NEB: variants seen among roughly 807,000 people sequenced by gnomAD.
NEB encodes the protein nebulin.
A neutral mutation model predicts 952.2 loss-of-function variants in NEB; 512 were observed. The ratio of observed to expected loss-of-function variants is 0.54; its 90% CI spans 0.50 to 0.58. The LOEUF is 0.58. Ranked by LOEUF, NEB falls within the 20% of genes least tolerant of loss-of-function variation. NEB has a pLI of 0.00. For synonymous variants in NEB, 2,900 were observed against 3,149.8 expected (o/e 0.92, Z 2.66); for missense variants, 8,428 against 9,231.1 (o/e 0.91, Z 3.56).
Position 151,621,001 on chromosome 2 carries a change from T to G in NEB, c.10478A>C (p.Glu3493Ala). ...CAAGTCATAGCCTTCTTTCTTGGCTTCTTCCATGGCCTGACGATAGAGGCT... is the reference window on the plus strand; with the variant it reads ...CAAGTCATAGCCTTCTTTCTTGGCTGCTTCCATGGCCTGACGATAGAGGCT... ...SESLYRQAME[E>A]AKKEGYDLRS... The change falls in exon 72 of 182, where the codon GAA becomes GCA. Residue 3493 changes from glutamate to alanine, a missense_variant. Physicochemically the swap from Glu to Ala is moderately radical, Grantham distance 107. Around this residue, in one of 11 missense-constraint regions of NEB, gnomAD observed 1,772 missense variants for 1,960.3 expected, o/e 0.90. Transcript: ENST00000397345. 1 of 1,611,802 alleles carries G rather than the reference T, an allele frequency of 6.2e-7. No individual in the cohort carries two copies. Among genetic ancestry groups the G allele is most frequent in the Non-Finnish European group, 8.5e-7 (1 of 1,178,926 alleles).
chr2:151,714,998 G>A (rs1331797679), intron 10 of NEB, among the ~76,000 whole-genome samples: 1 of 152,196 alleles, frequency 6.6e-6, no homozygotes, highest in African/African-American at 2.4e-5. Flanking sequence ...TAAGAACTCA[G>A]AAATCTGGGT....
intron 3 of NEB, among the ~76,000 whole-genome samples, chr2:151,731,165 A>G (rs558682746): frequency 6.6e-6 from 1 of 152,306 alleles, no homozygotes; most frequent in African/African-American, 2.4e-5. Context: ...GCTCCTTGGA[A>G]ACCATTCAAT....
chr2:151,612,431 G>C (rs1238261307), intron 77 of NEB, 42 bp from the exon 78 acceptor site: 17 of 1,552,146 alleles, frequency 1.1e-5, no homozygotes, highest in African/African-American at 1.4e-5. Context: ...ATGTCACCTA[G>C]ACGGCCTGGT....
At chr2:151,526,407 C>A in intron 148 of NEB, 145 bp from the exon 149 acceptor site, 1 of 664,888 alleles carries the variant, frequency 1.5e-6, no homozygotes. Context: ...GGGAAATATT[C>A]AAAAGGGTTT....
intron 17 of NEB, among the ~76,000 whole-genome samples, chr2:151,695,933 C>T (rs2099592969): frequency 6.6e-6 from 1 of 152,164 alleles, no homozygotes; most frequent in Non-Finnish European, 1.5e-5. Flanking sequence ...CTGCGTAGCA[C>T]AATTGTCCCT....
At chr2:151,702,463 G>A (rs550995865) in intron 13 of NEB, among the ~76,000 whole-genome samples, 5 of 152,190 alleles carry the variant, frequency 3.3e-5, no homozygotes, top group Admixed American at 6.5e-5. Flanking sequence ...GTTGACAGTG[G>A]GGTGTTAAAG....
chr2:151,645,442 A>G (rs1408454938), intron 55 of NEB, among the ~76,000 whole-genome samples: 1 of 152,220 alleles, frequency 6.6e-6, no homozygotes, highest in Non-Finnish European at 1.5e-5. Flanking sequence ...TAAATAATGA[A>G]TTTTAAAAGC....
rs570365650 is a variant in NEB at position 151,605,778 on chromosome 2, C to T, written c.12747+828G>A. Among the ~76,000 whole-genome samples, 125 of 97,268 alleles carry T rather than the reference C, an allele frequency of 1.3e-3. 41 individuals are homozygous for T. Among genetic ancestry groups the T allele is most frequent in the Non-Finnish European group, 3.1e-4 (12 of 38,516 alleles). The allele number at this position is 97,268 out of a possible 152,430, so 63.8% of individuals were successfully genotyped here. A position where few individuals can be genotyped will look rare whatever the true frequency, so the allele number is the denominator to read the frequency against. On this transcript the variant is annotated intron_variant, in intron 84 of 181. Coordinates refer to ENST00000397345, the MANE Select transcript of NEB (RefSeq NM_001164508.2). The stretch of plus-strand genomic sequence containing the variant: ...GAGTTGGAGCTGGGGGCAGGGTGCA[C>T]CTGGTAGCATAATTATTCTATTTTT...
intron 20 of NEB, among the ~76,000 whole-genome samples, chr2:151,693,097 G>A (rs1035928930): frequency 2.0e-5 from 3 of 152,154 alleles, no homozygotes; most frequent in East Asian, 1.9e-4. Context: ...TGGTGAAAAC[G>A]CATTTTGTAA....
At chr2:151,647,691 T>C (rs2098978435) in intron 54 of NEB, among the ~76,000 whole-genome samples, 1 of 152,166 alleles carries the variant, frequency 6.6e-6, no homozygotes, top group Non-Finnish European at 1.5e-5. Flanking sequence ...GGAGGGAGAT[T>C]CTACAAAATA....
In NEB at chr2:151,620,930, T is replaced by C; in HGVS notation, c.10549A>G (p.Ile3517Val). The change falls in exon 72 of 182, where the codon ATT (isoleucine) becomes GTT (valine). Residue 3517 changes from isoleucine (I) to valine (V), a missense_variant. By Grantham distance (29) the Ile-to-Val change is conservative (BLOSUM62 3). Transcript: ENST00000397345. ...TGATCAGCTCTTACATCACTGGCAA[T>C]ATCCCGAGAGGCCTTGGCAGCCACA... ...PIVAAKASRD[I>V]ASDYKYKEAY... 6.2e-7 allele frequency: 1 copy of C among 1,610,920 alleles called. No individual in the cohort carries two copies.
chr2:151,508,885 C>CTGAT (rs1166666945), intron 161 of NEB, among the ~76,000 whole-genome samples: 1 of 152,248 alleles, frequency 6.6e-6, no homozygotes, highest in East Asian at 1.9e-4. Flanking sequence ...CACCACCAAA[C>CTGAT]TGATGATTGT....
At chr2:151,615,476 C>T (rs564045842) in intron 76 of NEB, among the ~76,000 whole-genome samples, 6 of 152,292 alleles carry the variant, frequency 3.9e-5, no homozygotes, top group Admixed American at 2.6e-4. Flanking sequence ...TACTTTGCCA[C>T]TTGTTCTTGT....
At chr2:151,712,903 A>AGGGGGAAACC (rs2150146219) in intron 10 of NEB, among the ~76,000 whole-genome samples, 1 of 152,070 alleles carries the variant, frequency 6.6e-6, no homozygotes, top group South Asian at 2.1e-4. Context: ...GAGAAAGGTT[A>AGGGGGAAACC]GGGGGAAACC....
In NEB at chr2:151,692,403, A is replaced by G. The variant is rs2099561052; in HGVS notation, c.1897-41T>C. 5.6e-6 allele frequency: 8 copies of G among 1,416,084 alleles called. No homozygotes were observed. The South Asian group carries it at 7.1e-5, about 13-fold the overall frequency. The allele number at this position is 1,416,084 out of a possible 1,614,324, so 87.7% of individuals were successfully genotyped here. A position where few individuals can be genotyped will look rare whatever the true frequency, so the allele number is the denominator to read the frequency against. On this transcript the variant is annotated intron_variant, in intron 20 of 181. Coordinates refer to ENST00000397345, the MANE Select transcript of NEB (RefSeq NM_001164508.2). ...TAAATTAAACCAAAAAGAAAGAAAT[A>G]TATATCTCATAAAGTAAAAGTCATT...
chr2:151,537,468 A>G (rs2093374758), intron 140 of NEB, among the ~76,000 whole-genome samples: 1 of 152,234 alleles, frequency 6.6e-6, no homozygotes, highest in Non-Finnish European at 1.5e-5. Flanking sequence ...TTCAAATTTA[A>G]CAGGCATACT....
At chr2:151,545,799 G>C (rs1279913182) in intron 135 of NEB, 89 bp downstream of exon 135, 6 of 749,672 alleles carry the variant, frequency 8.0e-6, no homozygotes, top group Non-Finnish European at 1.3e-5. Context: ...CCTGAACAGC[G>C]ATCACTAGAG....
In NEB at chr2:151,655,325, A is replaced by G; in HGVS notation, c.6752T>C (p.Met2251Thr). ...WNKDKTKIHV[M>T]PDTPDILQAK... ...TTGTAAAATATCTGGTGTATCAGGC[A>G]TCACATGAATCTTGGTCTTATCTTT... Residue 2251 changes from methionine to threonine, a missense_variant, in exon 51 of 182, where the codon ATG becomes ACG. Coordinates refer to ENST00000397345, the MANE Select transcript of NEB (RefSeq NM_001164508.2). 6.2e-7 allele frequency: 1 copy of G among 1,602,770 alleles called. No individual in the cohort carries two copies.
intron 28 of NEB, among the ~76,000 whole-genome samples, chr2:151,683,987 T>A (rs2099458889): frequency 6.6e-6 from 1 of 152,148 alleles, no homozygotes; most frequent in South Asian, 2.1e-4. Flanking sequence ...ACTGTATGAC[T>A]TTACATATAT....
Sources: gnomAD v4.1 joint callset for allele counts (sites outside exome capture counted in the v4.1 genomes callset) on GRCh38, gnomAD v4.1.1 for gene constraint, gnomAD v4.1.1 regional missense constraint, MANE v1.5 for transcripts, NCBI Gene and HGNC (gene_info 2026-07-23, HGNC 2026-07-21) for gene names.